Variants in CROCC2 observed in about 807,000 individuals in gnomAD.
CROCC2 encodes the protein ciliary rootlet coiled-coil, rootletin family member 2.
Under a neutral mutation model 177.6 loss-of-function variants are expected in CROCC2, and 163 were observed. The observed-to-expected ratio is 0.92, with a 90% CI of 0.81 to 1.05. The LOEUF (loss-of-function observed/expected upper bound fraction) is 1.05. Among genes scored for constraint, CROCC2 ranks in the 50% least tolerant of loss-of-function variants. The pLI is 0.00. For synonymous variants in CROCC2, 904 were observed against 787.3 expected (o/e 1.15, Z -2.48); for missense variants, 1,929 against 1,797.8 (o/e 1.07, Z -1.32).
chr2:240,933,964 T>C, intron 11 of CROCC2, 112 bp downstream of exon 11: 1 of 1,222,022 alleles, frequency 8.2e-7, no homozygotes, highest in South Asian at 1.5e-5. Context: ...CTGTCTCATC[T>C]CAGGGTGTGG....
intron 1 of CROCC2, among the ~76,000 whole-genome samples, chr2:240,907,656 T>A (rs2059264772): frequency 6.6e-6 from 1 of 152,188 alleles, no homozygotes; most frequent in African/African-American, 2.4e-5. Context: ...GGCAGGATAT[T>A]TGAATCAGGC....
chr2:240,952,710 A>G (rs1306255936), intron 18 of CROCC2, among the ~76,000 whole-genome samples: 3 of 152,222 alleles, frequency 2.0e-5, no homozygotes, highest in African/African-American at 7.2e-5. Flanking sequence ...AGAGGTGTGC[A>G]GTGGAGCTAG....
intron 4 of CROCC2, among the ~76,000 whole-genome samples, chr2:240,925,500 G>A (rs2059390430): frequency 6.6e-6 from 1 of 152,228 alleles, no homozygotes; most frequent in Non-Finnish European, 1.5e-5. Context: ...GGAGGGCACT[G>A]GGCTGGCACC....
rs1388121459 is a variant in CROCC2 at position 240,973,197 on chromosome 2, A to G, written c.4401+4935A>G. Among the ~76,000 whole-genome samples, 2 of 152,244 alleles carry G rather than the reference A, an allele frequency of 1.3e-5. No homozygotes were observed. The highest frequency in any genetic ancestry group is 2.9e-5 in the Non-Finnish European group (2 of 68,042). On this transcript the variant is annotated intron_variant, in intron 27 of 31. Transcript: ENST00000690015. This position sits in a 1 kb window ranked among gnomAD's most constrained non-coding sequence, Gnocchi z 4.7. ...ATTAAAAACATATTTTTCTAATTAA[A>G]TGGTAGGCTGTGCTATGCAAACAGT...
intron 27 of CROCC2, among the ~76,000 whole-genome samples, chr2:240,976,900 A>T (rs28410129): frequency 2.5e-4 from 2 of 8,074 alleles, no homozygotes; most frequent in Non-Finnish European, 4.2e-4. Context: ...AGGAGCCCAG[A>T]CTCATCCCTG....
Position 240,955,888 on chromosome 2 carries a change from C to G in CROCC2, c.2859C>G (p.Ser953Arg), listed in dbSNP as rs754110500. 283 of 1,534,994 alleles carry G rather than the reference C, an allele frequency of 1.8e-4. No individual in the cohort carries two copies. The highest frequency in any genetic ancestry group is 2.4e-4 in the Non-Finnish European group (277 of 1,146,856). Residue 953 changes from serine to arginine, a missense_variant, in exon 19 of 32, where the codon AGC becomes AGG. Around this residue, in one of 3 missense-constraint regions of CROCC2, gnomAD observed 1,397 missense variants for 1,239.9 expected, o/e 1.13. Transcript: ENST00000690015. Reference protein sequence around the residue: ...QALSLKETERSLLSEELSRAR... With the variant: ...QALSLKETERRLLSEELSRAR... Reference sequence around the variant, plus strand: ...TGTCCCTGAAAGAAACAGAGCGGAGCCTTCTGAGTGAGGAGCTCTCCAGGG... The same window carrying G: ...TGTCCCTGAAAGAAACAGAGCGGAGGCTTCTGAGTGAGGAGCTCTCCAGGG...
At chr2:240,922,518 T>A (rs959276675) in intron 3 of CROCC2, 21 bp from the exon 4 acceptor site, 9 of 691,396 alleles carry the variant, frequency 1.3e-5, no homozygotes, top group African/African-American at 1.8e-5. Context: ...CCAGACCAGG[T>A]GGGCTATTGC....
chr2:240,925,554 TG>T (rs548464327), intron 4 of CROCC2, among the ~76,000 whole-genome samples, 169 bp from the exon 5 acceptor site: 202 of 152,178 alleles, frequency 1.3e-3, no homozygotes, highest in African/African-American at 4.4e-3. Flanking sequence ...AGGGGTCCTT[TG>T]TGGGGCCCAT....
intron 3 of CROCC2, among the ~76,000 whole-genome samples, chr2:240,922,126 C>G (rs950038364): frequency 2.0e-5 from 3 of 152,210 alleles, no homozygotes; most frequent in African/African-American, 7.2e-5. Flanking sequence ...GCCCCTCCCC[C>G]TACACTGACG....
intron 21 of CROCC2, chr2:240,964,004 G>A (rs2059659944): frequency 1.7e-6 from 1 of 594,560 alleles, no homozygotes; most frequent in Admixed American, 3.0e-5. Context: ...CCTGCCCACA[G>A]GGAGTTCCCA....
In CROCC2 at chr2:240,932,999, T is replaced by C. The variant is rs74000150; in HGVS notation, c.1251+91T>C. The stretch of plus-strand genomic sequence containing the variant: ...GAAGGGTAGTTATGGGGCCTGCCCC[T>C]GAGCCCCATGGCTCCAGGGAGGGGC... On this transcript the variant is annotated intron_variant, in intron 9 of 31. Coordinates refer to ENST00000690015, the MANE Select transcript of CROCC2 (RefSeq NM_001351305.2). 7.4e-3 allele frequency: 10,791 copies of C among 1,466,664 alleles called. 636 individuals are homozygous for C. The African/African-American group carries it at 0.13, about 18-fold the overall frequency. The allele number at this position is 1,466,664 out of a possible 1,614,324, so 90.9% of individuals were successfully genotyped here.
intron 5 of CROCC2, among the ~76,000 whole-genome samples, 191 bp downstream of exon 5, chr2:240,926,071 G>A (rs1165723082): frequency 1.3e-5 from 2 of 152,214 alleles, no homozygotes; most frequent in Admixed American, 1.3e-4. Flanking sequence ...GAGGGACTTC[G>A]TGGTCCACCC....
rs571117510 is a variant in CROCC2, at chr2:240,930,231, G to A, written c.711G>A (p.Leu237=). The change falls in exon 6 of 32, where the codon CTG becomes CTA. Residue 237 remains leucine (L), a synonymous_variant. Transcript: ENST00000690015. ...TCCTGTGGAGACAGGCCGTGGTGCT[G>A]GGGACAGACCTGGCCGAGCTGCGTG... ...LLLLWRQAVV[L]GTDLAELRVA... 1,341 of 599,554 alleles carry A rather than the reference G, an allele frequency of 2.2e-3. 2 individuals are homozygous for A. Among genetic ancestry groups the A allele is most frequent in the Admixed American group, 5.5e-3 (188 of 33,964 alleles). The allele number at this position is 599,554 out of a possible 1,614,324, so 37.1% of individuals were successfully genotyped here.
At position 240,958,592 on chromosome 2, in the gene CROCC2, C is replaced by A; in HGVS notation, c.2944-709C>A. ...CCCACCAGCCGCCCCCCGCCAGCCG[C>A]CTGCTGCTGCCTGGAGGCTTGGTCC... On this transcript the variant is annotated intron_variant, in intron 19 of 31. Coordinates refer to ENST00000690015, the MANE Select transcript of CROCC2 (RefSeq NM_001351305.2). The surrounding 1 kb of genome is among the most constrained non-coding windows in gnomAD (Gnocchi z 6.7). 1.0e-6 allele frequency: 1 copy of A among 985,314 alleles called. No individual in the cohort carries two copies. Among genetic ancestry groups the A allele is most frequent in the Non-Finnish European group, 1.2e-6 (1 of 829,834 alleles). The allele number at this position is 985,314 out of a possible 1,614,324, so 61.0% of individuals were successfully genotyped here. A position where few individuals can be genotyped will look rare whatever the true frequency, so the allele number is the denominator to read the frequency against.
intron 1 of CROCC2, among the ~76,000 whole-genome samples, chr2:240,909,988 C>T (rs961810444): frequency 4.6e-5 from 7 of 152,142 alleles, no homozygotes; most frequent in African/African-American, 1.7e-4. Flanking sequence ...GGCGAACATG[C>T]TCCCAGGCCC....
chr2:240,938,488 G>C (rs1341232197), intron 14 of CROCC2, among the ~76,000 whole-genome samples: 3 of 152,222 alleles, frequency 2.0e-5, no homozygotes, highest in African/African-American at 4.8e-5. Context: ...TTGAAATTGA[G>C]TAGTGTACAC....
Position 240,935,427 on chromosome 2 carries a change from G to GAGCAGCTGGCACAGGCGGAGC in CROCC2, c.2019_2039dup (p.Gln674_Ala680dup). On this transcript the variant is annotated inframe_insertion, in exon 14 of 32. Transcript: ENST00000690015. Reference sequence around the variant, plus strand: ...GGAGCAGGAACGGGCCCGGGCCGGGGAGCAGCTGGCACAGGCGGAGCAGCA... The same window carrying GAGCAGCTGGCACAGGCGGAGC: ...GGAGCAGGAACGGGCCCGGGCCGGGGAGCAGCTGGCACAGGCGGAGCAGCAGCTGGCACAGGCGGAGCAGCA... 7.3e-7 allele frequency: 1 copy of GAGCAGCTGGCACAGGCGGAGC among 1,376,582 alleles called. No homozygotes were observed. Among genetic ancestry groups the GAGCAGCTGGCACAGGCGGAGC allele is most frequent in the South Asian group, 1.8e-5 (1 of 55,856 alleles). The allele number at this position is 1,376,582 out of a possible 1,614,324, so 85.3% of individuals were successfully genotyped here.
chr2:240,947,554 A>T (rs1342153815), intron 15 of CROCC2, among the ~76,000 whole-genome samples: 1 of 151,952 alleles, frequency 6.6e-6, no homozygotes, highest in Non-Finnish European at 1.5e-5. Flanking sequence ...GCCCGGACAC[A>T]CTCTGTGTGT....
chr2:240,973,920 C>T lies in CROCC2; in HGVS notation c.4401+5658C>T, dbSNP rs1426360018. Among the ~76,000 whole-genome samples, 3 of 152,182 alleles carry T rather than the reference C, an allele frequency of 2.0e-5. No homozygotes were observed. Among genetic ancestry groups the T allele is most frequent in the African/African-American group, 4.8e-5 (2 of 41,432 alleles). On this transcript the variant is annotated intron_variant, in intron 27 of 31. Coordinates refer to ENST00000690015, the MANE Select transcript of CROCC2 (RefSeq NM_001351305.2). The surrounding 1 kb of genome is among the most constrained non-coding windows in gnomAD (Gnocchi z 4.7). ...TCATTGAACTCCCCTGTACATATTC[C>T]GCAGCTGTCATCATAAAGAATACAC...
Sources: gnomAD v4.1 joint callset for allele counts (sites outside exome capture counted in the v4.1 genomes callset) on GRCh38, gnomAD v4.1.1 for gene constraint, gnomAD v4.1.1 regional missense constraint, Gnocchi (gnomAD v3.1) non-coding constraint, MANE v1.5 for transcripts, NCBI Gene and HGNC (gene_info 2026-07-23, HGNC 2026-07-21) for gene names.